Variants in STXBP5L observed in about 807,000 individuals in gnomAD.
The protein encoded by STXBP5L is syntaxin binding protein 5L, also known as syntaxin-binding protein 5-like.
A neutral mutation model predicts 144.5 loss-of-function variants in STXBP5L; 65 were observed. The ratio of observed to expected loss-of-function variants is 0.45; its 90% CI spans 0.37 to 0.55. STXBP5L has a LOEUF of 0.55. Ranked by LOEUF, STXBP5L falls within the 20% of genes least tolerant of loss-of-function variation. The pLI is 0.00. For synonymous variants in STXBP5L, 505 were observed against 469.6 expected (o/e 1.08, Z -0.97); for missense variants, 1,298 against 1,405.5 (o/e 0.92, Z 1.22).
chr3:120,927,517 G>A (rs2107606680), intron 2 of STXBP5L, among the ~76,000 whole-genome samples: 1 of 152,292 alleles, frequency 6.6e-6, no homozygotes, highest in East Asian at 1.9e-4. Context: ...CTCCTGTTAG[G>A]GAACCCAAAA....
chr3:121,087,673 G>A (rs898083116), intron 5 of STXBP5L, among the ~76,000 whole-genome samples: 1 of 151,822 alleles, frequency 6.6e-6, no homozygotes. Context: ...TATAATTATT[G>A]ATATATTAGG....
chr3:121,047,553 A>G (rs1487916711), intron 5 of STXBP5L, among the ~76,000 whole-genome samples: 1 of 152,164 alleles, frequency 6.6e-6, no homozygotes, highest in East Asian at 1.9e-4. Flanking sequence ...GGGTGCATAT[A>G]TATTTAGGAT....
intron 9 of STXBP5L, among the ~76,000 whole-genome samples, chr3:121,182,265 A>G (rs1304036106): frequency 2.0e-5 from 3 of 152,224 alleles, no homozygotes; most frequent in Admixed American, 1.3e-4. Flanking sequence ...AGACCATATG[A>G]TAGGCCACAA....
chr3:121,294,752 A>C (rs1458676638), intron 19 of STXBP5L, among the ~76,000 whole-genome samples: 1 of 152,110 alleles, frequency 6.6e-6, no homozygotes, highest in African/African-American at 2.4e-5. Context: ...GGGAGAAGAG[A>C]AAAAGGAAAA....
chr3:121,113,660 TTTTTTC>T (rs1315732711), intron 5 of STXBP5L, among the ~76,000 whole-genome samples: 16 of 146,652 alleles, frequency 1.1e-4, no homozygotes, highest in African/African-American at 2.5e-4. Context: ...ACTTTTATTC[TTTTTTC>T]TTTTTCTTTT....
intron 18 of STXBP5L, among the ~76,000 whole-genome samples, chr3:121,274,946 C>G (rs17249426): frequency 2.6e-5 from 4 of 152,012 alleles, no homozygotes; most frequent in Admixed American, 2.6e-4. Context: ...GACTTATAAC[C>G]CAAGGTAAGA....
At chr3:121,334,142 C>A (rs2108565473) in intron 20 of STXBP5L, among the ~76,000 whole-genome samples, 1 of 152,208 alleles carries the variant, frequency 6.6e-6, no homozygotes, top group South Asian at 2.1e-4. Flanking sequence ...TTGCCTTCCA[C>A]CATGATTGTG....
chr3:121,223,125 T>G lies in STXBP5L; in HGVS notation c.1079T>G (p.Phe360Cys). 1 of 1,609,636 alleles carries G rather than the reference T, an allele frequency of 6.2e-7. No homozygotes were observed. Among genetic ancestry groups the G allele is most frequent in the Non-Finnish European group, 8.5e-7 (1 of 1,178,550 alleles). The change falls in exon 11 of 27, where the codon TTT (phenylalanine) becomes TGT (cysteine). Residue 360 changes from phenylalanine (F) to cysteine (C), a missense_variant. Phe to Cys is a radical substitution (Grantham distance 205). Coordinates refer to ENST00000471454, the MANE Select transcript of STXBP5L (RefSeq NM_001308330.2). ...VLEMDHPIVEFLTLCETPYPN... is the reference protein window; with the variant it reads ...VLEMDHPIVECLTLCETPYPN... ...GAAATGGATCATCCTATTGTTGAAT[T>G]TCTAACTTTATGTGAAACGCCCTAT...
chr3:121,323,889 C>T (rs369135321), intron 20 of STXBP5L, among the ~76,000 whole-genome samples: 31 of 152,180 alleles, frequency 2.0e-4, no homozygotes, highest in African/African-American at 4.6e-4. Context: ...TTTATTTGGA[C>T]GAAGAATTGA....
chr3:121,295,721 A>G (rs900778084), intron 19 of STXBP5L, among the ~76,000 whole-genome samples: 3 of 152,184 alleles, frequency 2.0e-5, no homozygotes, highest in African/African-American at 4.8e-5. Context: ...GATTGTCACA[A>G]CTGAAGAGTA....
intron 5 of STXBP5L, among the ~76,000 whole-genome samples, chr3:121,052,784 T>C (rs112364442): frequency 8.6e-5 from 13 of 152,042 alleles, no homozygotes; most frequent in Non-Finnish European, 1.5e-4. Context: ...GGTATTCAAT[T>C]AGGAAAAGAG....
chr3:121,090,364 T>A (rs1195574668), intron 5 of STXBP5L, among the ~76,000 whole-genome samples: 1 of 152,144 alleles, frequency 6.6e-6, no homozygotes, highest in Non-Finnish European at 1.5e-5. Flanking sequence ...CCACTATGCC[T>A]CCTCTTTTAC....
chr3:120,965,246 G>C (rs1485381235), intron 3 of STXBP5L, among the ~76,000 whole-genome samples: 1 of 152,146 alleles, frequency 6.6e-6, no homozygotes, highest in East Asian at 1.9e-4. Context: ...TTGCCAGTCT[G>C]TGTCTTTTAA....
At chr3:120,984,250 G>A (rs750243760) in intron 3 of STXBP5L, among the ~76,000 whole-genome samples, 1 of 152,166 alleles carries the variant, frequency 6.6e-6, no homozygotes, top group Non-Finnish European at 1.5e-5. Context: ...TAGGCTGATG[G>A]AGCCTAAAAT....
In STXBP5L at chr3:121,259,129, A is replaced by G; in HGVS notation, c.1919A>G (p.Gln640Arg). The change falls in exon 18 of 27, where the codon CAA (glutamine) becomes CGA (arginine). Residue 640 changes from glutamine to arginine, a missense_variant. By Grantham distance (43) the Gln-to-Arg change is conservative. Coordinates refer to ENST00000471454, the MANE Select transcript of STXBP5L (RefSeq NM_001308330.2). ...QLVWVDGEPP[Q>R]QITSLAVSSA... Reference sequence around the variant, plus strand: ...GTGTGGGTAGATGGTGAACCTCCACAACAGATTACTAGTCTTGCTGTAAGC... The same window carrying G: ...GTGTGGGTAGATGGTGAACCTCCACGACAGATTACTAGTCTTGCTGTAAGC... 1 of 1,600,350 alleles carries G rather than the reference A, an allele frequency of 6.2e-7. No individual in the cohort carries two copies. The highest frequency in any genetic ancestry group is 8.5e-7 in the Non-Finnish European group (1 of 1,172,180).
intron 5 of STXBP5L, among the ~76,000 whole-genome samples, chr3:121,076,581 C>A (rs2042027680): frequency 6.6e-6 from 1 of 151,996 alleles, no homozygotes; most frequent in Admixed American, 6.5e-5. Context: ...GGAAACTGAT[C>A]CAGGTGCCCA....
intron 3 of STXBP5L, among the ~76,000 whole-genome samples, chr3:121,018,953 T>C (rs1945343506): frequency 6.6e-6 from 1 of 152,196 alleles, no homozygotes; most frequent in South Asian, 2.1e-4. Flanking sequence ...CTTTCTCAGC[T>C]TAGAGGCTTG....
intron 1 of STXBP5L, chr3:120,909,198 T>TAA: frequency 5.8e-6 from 1 of 171,100 alleles, no homozygotes. Context: ...CTTGGTCTGT[T>TAA]GAACTCTGGT....
intron 18 of STXBP5L, among the ~76,000 whole-genome samples, chr3:121,263,884 A>G (rs1577329893): frequency 1.3e-5 from 2 of 152,148 alleles, no homozygotes; most frequent in South Asian, 4.1e-4. Context: ...GCTGGGAAAC[A>G]CTCTTCAGGA....
Sources: gnomAD v4.1 joint callset for allele counts (sites outside exome capture counted in the v4.1 genomes callset) on GRCh38, gnomAD v4.1.1 for gene constraint, MANE v1.5 for transcripts, NCBI Gene and HGNC (gene_info 2026-07-23, HGNC 2026-07-21) for gene names.